Variants in STK32C observed in about 807,000 individuals in gnomAD.
STK32C encodes the protein serine/threonine kinase 32C.
A neutral mutation model predicts 56.5 loss-of-function variants in STK32C; 31 were observed. The observed-to-expected ratio is 0.55, with a 90% CI of 0.41 to 0.74. The LOEUF (loss-of-function observed/expected upper bound fraction) is 0.74. Among genes scored for constraint, STK32C ranks in the 30% least tolerant of loss-of-function variants. The probability of loss-of-function intolerance (pLI) is 0.00; values close to 1 mark genes in which losing one functional copy is unlikely to be tolerated. For missense variants in STK32C, 544 were observed against 676.9 expected, an observed-to-expected ratio of 0.80 and a Z score of 2.18; for synonymous variants, 309 against 289.4, an observed-to-expected ratio of 1.07 and a Z score of -0.69.
At chr10:132,232,473 C>T (rs959990241) in intron 2 of STK32C, among the ~76,000 whole-genome samples, 2 of 152,068 alleles carry the variant, frequency 1.3e-5, no homozygotes, top group Non-Finnish European at 2.9e-5. Context: ...CCCGAGATCA[C>T]GCAGAGCAGT....
chr10:132,228,193 G>C, intron 2 of STK32C, 65 bp from the exon 3 acceptor site: 1 of 1,607,592 alleles, frequency 6.2e-7, no homozygotes, highest in Non-Finnish European at 8.5e-7. Context: ...GGGACACCTG[G>C]AAATGCATGG....
intron 6 of STK32C, 82 bp from the exon 7 acceptor site, chr10:132,225,418 A>G: frequency 6.3e-7 from 1 of 1,583,240 alleles, no homozygotes; most frequent in Non-Finnish European, 8.6e-7. Context: ...CCTTGAGGCC[A>G]CATCCCGAGA....
At chr10:132,235,476 C>T (rs1183011524) in intron 2 of STK32C, among the ~76,000 whole-genome samples, 1 of 81,460 alleles carries the variant, frequency 1.2e-5, no homozygotes, top group Non-Finnish European at 2.2e-5. Flanking sequence ...AGCCTGGCAA[C>T]AGAGCAAGAC....
intron 10 of STK32C, among the ~76,000 whole-genome samples, chr10:132,218,722 C>G (rs142139891): frequency 6.6e-6 from 1 of 152,152 alleles, no homozygotes; most frequent in East Asian, 1.9e-4. Flanking sequence ...AATAAAAGTA[C>G]ATATCCACAC....
intron 1 of STK32C, among the ~76,000 whole-genome samples, chr10:132,303,379 G>A (rs1196695912): frequency 6.6e-6 from 1 of 152,236 alleles, no homozygotes; most frequent in East Asian, 1.9e-4. Context: ...GTGCTGGGAA[G>A]GACTGCTGTC....
chr10:132,233,666 G>A (rs1472003739), intron 2 of STK32C, among the ~76,000 whole-genome samples: 1 of 152,230 alleles, frequency 6.6e-6, no homozygotes, highest in East Asian at 1.9e-4. Context: ...GGCAGAGGGG[G>A]GTCTTTGTCC....
rs2062803940 is a variant in STK32C at position 132,224,482 on chromosome 10, C to T, written c.918G>A (p.Leu306=). 4 of 1,585,440 alleles carry T rather than the reference C, an allele frequency of 2.5e-6. No individual in the cohort carries two copies. Among genetic ancestry groups the T allele is most frequent in the Non-Finnish European group, 3.4e-6 (4 of 1,166,272 alleles). The part of the protein sequence containing the change: ...DIHSSNAVES[L]VQLFSTVSVQ... The stretch of plus-strand genomic sequence containing the variant: ...CGCTCACGGTGCTGAACAGCTGCAC[C>T]AGGGACTCCACGGCGTTGCTGGAGT... The change falls in exon 8 of 12, where the codon CTG becomes CTA. Residue 306 remains leucine, a synonymous_variant. Coordinates refer to ENST00000298630, the MANE Select transcript of STK32C (RefSeq NM_173575.4).
At chr10:132,282,427 C>G (rs1360688468) in intron 1 of STK32C, among the ~76,000 whole-genome samples, 1 of 152,028 alleles carries the variant, frequency 6.6e-6, no homozygotes, top group Non-Finnish European at 1.5e-5. Flanking sequence ...CCACCTGTGC[C>G]TGCGCCCACC....
chr10:132,304,747 G>A (rs1294629670), intron 1 of STK32C, among the ~76,000 whole-genome samples: 1 of 152,242 alleles, frequency 6.6e-6, no homozygotes, highest in African/African-American at 2.4e-5. Context: ...TTTAAGAGAT[G>A]ACTTGAGGAG....
At chr10:132,231,613 T>C (rs1263674807) in intron 2 of STK32C, among the ~76,000 whole-genome samples, 1 of 152,224 alleles carries the variant, frequency 6.6e-6, no homozygotes, top group African/African-American at 2.4e-5. Flanking sequence ...AGCCTCGGAA[T>C]GTGGCCTTAT....
chr10:132,264,464 A>C (rs912579305), intron 1 of STK32C, among the ~76,000 whole-genome samples: 1 of 152,040 alleles, frequency 6.6e-6, no homozygotes, highest in African/African-American at 2.4e-5. Context: ...GACCTTGAGG[A>C]AGAAAGGGAC....
intron 7 of STK32C, 60 bp downstream of exon 7, chr10:132,225,173 T>A: frequency 1.4e-6 from 2 of 1,410,712 alleles, no homozygotes; most frequent in Non-Finnish European, 1.9e-6. Context: ...TCCCCAGCAC[T>A]GGTGGGGGCA....
intron 1 of STK32C, among the ~76,000 whole-genome samples, chr10:132,295,908 G>A (rs886985853): frequency 5.3e-5 from 8 of 151,566 alleles, no homozygotes; most frequent in Admixed American, 6.6e-5. Flanking sequence ...TCTGAATGAC[G>A]TATATAGATA....
chr10:132,221,131 C>T (rs952744517), intron 10 of STK32C, among the ~76,000 whole-genome samples: 8 of 152,256 alleles, frequency 5.3e-5, no homozygotes, highest in Admixed American at 2.0e-4. Context: ...GAGGGCTTCA[C>T]GTGGCCGTCC....
chr10:132,224,267 C>T (rs1399491766), intron 8 of STK32C, 140 bp downstream of exon 8: 4 of 677,508 alleles, frequency 5.9e-6, no homozygotes, highest in Non-Finnish European at 1.0e-5. Flanking sequence ...GCGGAGGCCC[C>T]CACAGGTTGC....
intron 1 of STK32C, among the ~76,000 whole-genome samples, chr10:132,253,388 T>TAGCTGGAGGGAGTCGAGGGAGCTGGAGGG (rs1273870794): frequency 8.2e-5 from 7 of 85,782 alleles, no homozygotes; most frequent in Admixed American, 6.0e-4. Context: ...GGAGCCGAGG[T>TAGCTGGAGGGAGTCGAGGGAGCTGGAGGG]AGCTGGAGGG....
intron 1 of STK32C, among the ~76,000 whole-genome samples, chr10:132,277,320 C>T (rs900698831): frequency 1.3e-5 from 2 of 152,342 alleles, no homozygotes; most frequent in East Asian, 1.9e-4. Context: ...AGCACAGAGA[C>T]GGCCACAAAA....
intron 1 of STK32C, among the ~76,000 whole-genome samples, chr10:132,305,608 G>C (rs925413926): frequency 3.0e-4 from 46 of 152,162 alleles, no homozygotes; most frequent in African/African-American, 1.1e-3. Flanking sequence ...GGGACTCAGG[G>C]GCAACAGTCC....
chr10:132,227,042 A>G, intron 3 of STK32C, 74 bp from the exon 4 acceptor site: 2 of 1,537,800 alleles, frequency 1.3e-6, no homozygotes, highest in Non-Finnish European at 1.8e-6. Flanking sequence ...CAGCTGACAC[A>G]CTCCCCCTAA....
Sources: allele counts gnomAD v4.1 joint callset (sites outside exome capture counted in the v4.1 genomes callset), GRCh38; gene constraint gnomAD v4.1.1; transcripts MANE v1.5; gene names NCBI Gene and HGNC (gene_info 2026-07-23, HGNC 2026-07-21).